RBM19: variants seen among roughly 807,000 people sequenced by gnomAD.
The protein encoded by RBM19 is RNA binding motif protein 19, also known as probable RNA-binding protein 19.
RBM19 carries 94 observed loss-of-function variants against 116.8 expected under a neutral mutation model. The observed-to-expected ratio is 0.80, with a 90% CI of 0.68 to 0.95. The LOEUF (loss-of-function observed/expected upper bound fraction) is 0.95. RBM19 is among the 40% of genes least tolerant of loss of function. The probability of loss-of-function intolerance (pLI) is 0.00; values close to 1 mark genes in which losing one functional copy is unlikely to be tolerated. For missense variants in RBM19, 1,161 were observed against 1,220.7 expected, an observed-to-expected ratio of 0.95 and a Z score of 0.73; for synonymous variants, 475 against 494.1, an observed-to-expected ratio of 0.96 and a Z score of 0.51.
At chr12:113,926,983 G>A in intron 17 of RBM19, 71 bp downstream of exon 17, 1 of 1,484,932 alleles carries the variant, frequency 6.7e-7, no homozygotes, top group African/African-American at 1.4e-5. Flanking sequence ...CAGAATAAAT[G>A]CAGTGGCCGT....
intron 10 of RBM19, 30 bp from the exon 11 acceptor site, chr12:113,947,494 T>G: frequency 6.4e-7 from 1 of 1,572,498 alleles, no homozygotes; most frequent in Non-Finnish European, 8.7e-7. Context: ...CGGTCTCTGG[T>G]AGGCCGCAGC....
At chr12:113,875,506 G>A (rs3782448) in intron 21 of RBM19, among the ~76,000 whole-genome samples, 2 of 152,062 alleles carry the variant, frequency 1.3e-5, no homozygotes, top group Non-Finnish European at 2.9e-5. Context: ...GGTTCCTGGT[G>A]GTGATAGGAA....
chr12:113,922,806 T>C (rs78648663), intron 18 of RBM19, among the ~76,000 whole-genome samples: 2,998 of 152,238 alleles, frequency 0.02, 112 homozygotes, highest in African/African-American at 0.069. Flanking sequence ...TGACCTTATC[T>C]GAGACAAGCT....
rs200636116 is a variant in RBM19 at position 113,959,264 on chromosome 12, G to A, written c.519C>T (p.Asp173=). The change falls in exon 5 of 24, where the codon GAC becomes GAT. Residue 173 remains aspartate, a synonymous_variant. Coordinates refer to ENST00000261741, the MANE Select transcript of RBM19 (RefSeq NM_016196.4). The part of the protein sequence containing the change: ...SKPASDYLNF[D]SDSGQESEEE... ...CCTCACTCTCCTGCCCAGAATCGGA[G>A]TCGAAGTTCAGGTAGTCACTGGCCG... The A allele has an allele frequency of 1.5e-4, 245 of 1,613,664 alleles. 1 individual carries two copies. The highest frequency in any genetic ancestry group is 4.5e-4 in the Admixed American group (27 of 60,018).
intron 1 of RBM19, 102 bp from the exon 2 acceptor site, chr12:113,962,516 C>G: frequency 8.3e-7 from 1 of 1,211,242 alleles, no homozygotes; most frequent in East Asian, 2.4e-5. Context: ...CCAAGGGTGG[C>G]CTTAGATGAA....
At chr12:113,926,958 C>T in intron 17 of RBM19, 96 bp downstream of exon 17, 1 of 1,367,230 alleles carries the variant, frequency 7.3e-7, no homozygotes, top group Non-Finnish European at 1.0e-6. Flanking sequence ...TATTAACACG[C>T]ATCATGTTTC....
chr12:113,844,938 C>T (rs541718243), intron 22 of RBM19, 150 bp from the exon 23 acceptor site: 21 of 1,109,216 alleles, frequency 1.9e-5, no homozygotes, highest in African/African-American at 1.4e-4. Context: ...GTTTGGGGAG[C>T]GGTTGGGCAC....
At chr12:113,896,880 C>T (rs1881372035) in intron 21 of RBM19, among the ~76,000 whole-genome samples, 2 of 152,150 alleles carry the variant, frequency 1.3e-5, no homozygotes, top group Non-Finnish European at 2.9e-5. Flanking sequence ...ACTCCTAGGC[C>T]GAAAGAAATA....
intron 7 of RBM19, 135 bp downstream of exon 7, chr12:113,954,996 T>G: frequency 1.3e-6 from 1 of 793,394 alleles, no homozygotes; most frequent in Admixed American, 2.2e-5. Flanking sequence ...TTTCTCAGCC[T>G]TTTTGGCCCC....
chr12:113,930,480 G>A (rs1336211348), intron 16 of RBM19, among the ~76,000 whole-genome samples: 1 of 152,214 alleles, frequency 6.6e-6, no homozygotes, highest in East Asian at 1.9e-4. Context: ...TCCCTTCCCT[G>A]GCAGATCAGC....
At position 113,959,979 on chromosome 12, in the gene RBM19, A is replaced by G. The variant is rs188921491; in HGVS notation, c.340-76T>C. 5.0e-5 allele frequency: 80 copies of G among 1,613,276 alleles called. No homozygotes were observed. The African/African-American group carries it at 8.3e-4, about 17-fold the overall frequency. The stretch of plus-strand genomic sequence containing the variant: ...GGAAACAGAACTGCACTGACCTGGG[A>G]GGGCCCATCTTTGGGAACCAAAAGT... On this transcript the variant is annotated intron_variant, in intron 3 of 23. Transcript: ENST00000261741.
chr12:113,906,137 G>A (rs1882027111), intron 21 of RBM19, among the ~76,000 whole-genome samples: 1 of 152,148 alleles, frequency 6.6e-6, no homozygotes, highest in African/African-American at 2.4e-5. Context: ...CACTCTACAG[G>A]GACACATGCA....
chr12:113,837,618 G>A (rs1452829731), intron 23 of RBM19, among the ~76,000 whole-genome samples: 1 of 152,188 alleles, frequency 6.6e-6, no homozygotes, highest in Non-Finnish European at 1.5e-5. Flanking sequence ...GTCACAGAAC[G>A]GGTATGAGGA....
chr12:113,954,082 C>T (rs11066851), intron 7 of RBM19, among the ~76,000 whole-genome samples: 13,347 of 152,194 alleles, frequency 0.088, 683 homozygotes, highest in East Asian at 0.17. Flanking sequence ...AGAGCATGAG[C>T]ATAAAAAATG....
At chr12:113,863,648 G>A (rs545136981) in intron 21 of RBM19, among the ~76,000 whole-genome samples, 2 of 152,122 alleles carry the variant, frequency 1.3e-5, no homozygotes, top group Admixed American at 1.3e-4. Flanking sequence ...TCATGTGGGG[G>A]AGTTTGCTGG....
intron 2 of RBM19, 72 bp downstream of exon 2, chr12:113,962,160 C>G (rs961011479): frequency 1.3e-5 from 20 of 1,554,690 alleles, no homozygotes; most frequent in Non-Finnish European, 1.8e-5. Flanking sequence ...TCTTTGAACT[C>G]AAGTGCTGAG....
chr12:113,925,438 AG>A (rs1488911523), intron 17 of RBM19, among the ~76,000 whole-genome samples: 1 of 152,234 alleles, frequency 6.6e-6, no homozygotes, highest in Non-Finnish European at 1.5e-5. Flanking sequence ...CAACTCCATG[AG>A]AAGAGTCTAT....
At chr12:113,947,830 C>G (rs960599163) in intron 10 of RBM19, among the ~76,000 whole-genome samples, 5 of 151,978 alleles carry the variant, frequency 3.3e-5, no homozygotes, top group Admixed American at 2.0e-4. Flanking sequence ...GCATCATGCT[C>G]AAATTAAAGC....
intron 19 of RBM19, among the ~76,000 whole-genome samples, 180 bp downstream of exon 19, chr12:113,920,431 G>A (rs533722585): frequency 9.5e-4 from 144 of 152,358 alleles, no homozygotes; most frequent in African/African-American, 3.4e-3. Context: ...TGACCGTGGA[G>A]TGTTGGGAAA....
Sources: allele counts gnomAD v4.1 joint callset (sites outside exome capture counted in the v4.1 genomes callset), GRCh38; gene constraint gnomAD v4.1.1; transcripts MANE v1.5; gene names NCBI Gene and HGNC (gene_info 2026-07-23, HGNC 2026-07-21).